The following SLC24A2 variants were observed in gnomAD, a reference collection of about 807,000 sequenced individuals.
SLC24A2 encodes the protein solute carrier family 24 member 2, also known as sodium/potassium/calcium exchanger 2.
Under a neutral mutation model 62.0 loss-of-function variants are expected in SLC24A2, and 36 were observed. That is an observed-to-expected ratio of 0.58 (90% CI 0.44 to 0.77). SLC24A2 has a LOEUF of 0.77. Ranked by LOEUF, SLC24A2 falls within the 30% of genes least tolerant of loss-of-function variation. The pLI, the probability that SLC24A2 is intolerant of heterozygous loss-of-function variation, is 0.00. For missense variants in SLC24A2, 846 were observed against 817.9 expected, an observed-to-expected ratio of 1.03 and a Z score of -0.42; for synonymous variants, 358 against 294.0, an observed-to-expected ratio of 1.22 and a Z score of -2.23.
the SLC24A2 span, among the ~76,000 whole-genome samples, chr9:20,069,325 G>A: frequency 6.6e-6 from 1 of 152,122 alleles, no homozygotes; most frequent in African/African-American, 2.4e-5. Flanking sequence ...TTTCCATAAA[G>A]TACTGCTTTA....
chr9:20,199,248 G>A, the SLC24A2 span, among the ~76,000 whole-genome samples: 1 of 152,132 alleles, frequency 6.6e-6, no homozygotes, highest in Non-Finnish European at 1.5e-5. Context: ...TGAAACTCAG[G>A]CGGGATAGAG....
chr9:19,547,364 A>T (rs1454577365), intron 8 of SLC24A2, among the ~76,000 whole-genome samples: 1 of 152,150 alleles, frequency 6.6e-6, no homozygotes, highest in Non-Finnish European at 1.5e-5. Context: ...GGAGCAGTGG[A>T]CTGGGGACAG....
the SLC24A2 span, among the ~76,000 whole-genome samples, chr9:19,855,098 A>G: frequency 1.3e-5 from 2 of 152,154 alleles, no homozygotes; most frequent in African/African-American, 4.8e-5. Flanking sequence ...TTTGTCAGAA[A>G]CTAAGATCAT....
At chr9:20,096,538 A>G in the SLC24A2 span, among the ~76,000 whole-genome samples, 3 of 151,772 alleles carry the variant, frequency 2.0e-5, no homozygotes, top group Non-Finnish European at 4.4e-5. Context: ...CATTGCAATT[A>G]TTTCTATTGC....
At chr9:19,533,590 C>T (rs981753928) in intron 8 of SLC24A2, among the ~76,000 whole-genome samples, 1 of 152,174 alleles carries the variant, frequency 6.6e-6, no homozygotes, top group Non-Finnish European at 1.5e-5. Flanking sequence ...GGCTAGCCTG[C>T]TTTGAGATAA....
chr9:20,079,934 T>G, the SLC24A2 span, among the ~76,000 whole-genome samples: 1 of 152,132 alleles, frequency 6.6e-6, no homozygotes, highest in African/African-American at 2.4e-5. Context: ...ATGAAGGACC[T>G]CTTCAAGGAG....
chr9:19,676,975 G>C (rs1320566445), intron 2 of SLC24A2, among the ~76,000 whole-genome samples: 2 of 152,220 alleles, frequency 1.3e-5, no homozygotes, highest in Non-Finnish European at 2.9e-5. Context: ...CTTAAGCACT[G>C]TTGGTGGGAG....
intron 2 of SLC24A2, among the ~76,000 whole-genome samples, chr9:19,697,796 T>C (rs1002303175): frequency 6.6e-6 from 1 of 152,176 alleles, no homozygotes; most frequent in Non-Finnish European, 1.5e-5. Flanking sequence ...TAAGTACTCA[T>C]TTAAATTAGT....
Position 19,723,864 on chromosome 9 carries a change from C to T in SLC24A2, c.930+62073G>A, listed in dbSNP as rs1047970794. On this transcript the variant is annotated intron_variant, in intron 2 of 10. Transcript: ENST00000341998. ...AACAAAAAAAGCTTAATTGGACAAA[C>T]ATTTTTTGAGAGTCTACTAGATACT... is the stretch of plus-strand genomic sequence containing the variant. Among the ~76,000 whole-genome samples, 39 of 151,936 alleles carry T rather than the reference C, an allele frequency of 2.6e-4. 1 individual carries two copies. The highest frequency in any genetic ancestry group is 6.6e-5 in the Admixed American group (1 of 15,250).
At chr9:19,578,086 G>C (rs1450283836) in intron 5 of SLC24A2, among the ~76,000 whole-genome samples, 1 of 151,366 alleles carries the variant, frequency 6.6e-6, no homozygotes, top group Non-Finnish European at 1.5e-5. Context: ...GGGACTTGGG[G>C]GGAAGAGTGG....
chr9:19,831,371 C>T, the SLC24A2 span, among the ~76,000 whole-genome samples: 1 of 152,126 alleles, frequency 6.6e-6, no homozygotes, highest in Non-Finnish European at 1.5e-5. Flanking sequence ...TTTTTTATAG[C>T]TCTTTTAAAA....
chr9:20,074,652 G>A, the SLC24A2 span, among the ~76,000 whole-genome samples: 1 of 147,444 alleles, frequency 6.8e-6, no homozygotes, highest in African/African-American at 2.5e-5. Context: ...AGGGGGTGAG[G>A]GGGAGGGGAA....
chr9:19,721,408 T>C (rs1242543521), intron 2 of SLC24A2, among the ~76,000 whole-genome samples: 3 of 152,116 alleles, frequency 2.0e-5, no homozygotes, highest in Admixed American at 2.0e-4. Context: ...TACTTATTAT[T>C]TTGGAGCCAG....
the SLC24A2 span, among the ~76,000 whole-genome samples, chr9:20,094,750 G>C: frequency 6.6e-6 from 1 of 152,054 alleles, no homozygotes; most frequent in African/African-American, 2.4e-5. Flanking sequence ...GTCAATGTTT[G>C]GAAGATCTTA....
the SLC24A2 span, among the ~76,000 whole-genome samples, chr9:20,179,970 A>T: frequency 6.6e-6 from 1 of 152,210 alleles, no homozygotes; most frequent in African/African-American, 2.4e-5. Flanking sequence ...ATATTGGTTC[A>T]ACCAGTAACC....
At chr9:19,891,596 C>T in the SLC24A2 span, among the ~76,000 whole-genome samples, 1 of 152,044 alleles carries the variant, frequency 6.6e-6, no homozygotes, top group Admixed American at 6.6e-5. Flanking sequence ...TACCAGCTCT[C>T]TGGGCTTGGC....
At chr9:19,711,042 A>G (rs932382615) in intron 2 of SLC24A2, among the ~76,000 whole-genome samples, 1 of 152,230 alleles carries the variant, frequency 6.6e-6, no homozygotes. Flanking sequence ...CAGTAGTAGC[A>G]GAAAAAATAT....
At chr9:19,600,130 CT>C (rs1362127113) in intron 4 of SLC24A2, among the ~76,000 whole-genome samples, 1 of 152,186 alleles carries the variant, frequency 6.6e-6, no homozygotes, top group African/African-American at 2.4e-5. Context: ...GGTGCCTCTT[CT>C]CTATAACATT....
At chr9:19,731,865 G>A (rs1435024431) in intron 2 of SLC24A2, among the ~76,000 whole-genome samples, 2 of 152,180 alleles carry the variant, frequency 1.3e-5, no homozygotes, top group Non-Finnish European at 2.9e-5. Flanking sequence ...TACTGGAACT[G>A]TGTTCTCACT....
Sources: allele counts gnomAD v4.1 joint callset (sites outside exome capture counted in the v4.1 genomes callset), GRCh38; gene constraint gnomAD v4.1.1; transcripts MANE v1.5; gene names NCBI Gene and HGNC (gene_info 2026-07-23, HGNC 2026-07-21).